The following DLGAP5 variants were observed in gnomAD, a reference collection of about 807,000 sequenced individuals.
The protein encoded by DLGAP5 is disks large-associated protein 5.
A neutral mutation model predicts 99.6 loss-of-function variants in DLGAP5; 90 were observed. The observed-to-expected ratio is 0.90, with a 90% confidence interval of 0.76 to 1.08. DLGAP5 has a LOEUF of 1.08. Ranked by LOEUF, DLGAP5 falls within the 50% of genes least tolerant of loss-of-function variation. The probability of loss-of-function intolerance (pLI) is 0.00; values close to 1 mark genes in which losing one functional copy is unlikely to be tolerated. For missense variants in DLGAP5, 1,036 were observed against 983.5 expected (o/e 1.05, Z -0.71); for synonymous variants, 311 against 321.3 (o/e 0.97, Z 0.34).
intron 14 of DLGAP5, among the ~76,000 whole-genome samples, chr14:55,157,320 A>G (rs766044663): frequency 5.6e-4 from 85 of 152,328 alleles, no homozygotes; most frequent in Admixed American, 3.7e-3. Context: ...CAAGTAGTAG[A>G]ATGGAGTCAT....
chr14:55,173,564 GTC>G (rs1291441164), intron 10 of DLGAP5, among the ~76,000 whole-genome samples: 8 of 151,012 alleles, frequency 5.3e-5, no homozygotes, highest in East Asian at 1.9e-4. Context: ...GTATGATATT[GTC>G]TCTCTCTATA....
chr14:55,166,435 A>G (rs1882644821), intron 12 of DLGAP5, among the ~76,000 whole-genome samples: 1 of 152,202 alleles, frequency 6.6e-6, no homozygotes, highest in African/African-American at 2.4e-5. Flanking sequence ...TTTTATACTG[A>G]TGAAAATGTT....
chr14:55,153,180 G>A lies in DLGAP5; in HGVS notation c.2064-533C>T, dbSNP rs147002431. 3.6e-4 allele frequency among the ~76,000 whole-genome samples: 55 copies of A among 152,250 alleles called. No individual in the cohort carries two copies. In the East Asian group the frequency reaches 0.01, roughly 28 times the overall value. On this transcript the variant is annotated intron_variant, in intron 15 of 18. Coordinates refer to ENST00000247191, the MANE Select transcript of DLGAP5 (RefSeq NM_014750.5). ...TAACAAGTAAATGTAGCTAACTCCA[G>A]CTAGACAATAATTGAGTTAGAATAC... is the stretch of plus-strand genomic sequence containing the variant.
chr14:55,156,090 CA>C (rs1272744066), intron 14 of DLGAP5, among the ~76,000 whole-genome samples: 186 of 134,308 alleles, frequency 1.4e-3, no homozygotes, highest in Middle Eastern at 3.8e-3. Flanking sequence ...GACTCTGCCT[CA>C]AAAAAAAAAA....
chr14:55,184,756 T>C (rs1374215080), intron 2 of DLGAP5, among the ~76,000 whole-genome samples: 1 of 152,200 alleles, frequency 6.6e-6, no homozygotes, highest in Non-Finnish European at 1.5e-5. Context: ...CAGCATCAAC[T>C]TGCTGTTCAT....
At position 55,180,671 on chromosome 14, in the gene DLGAP5, T is replaced by A; in HGVS notation, c.688A>T (p.Thr230Ser). The part of the protein sequence containing the change: ...VSSTTARKPV[T>S]RAANENEPEG... ...TAGTTCTCACCATTAGCAGCTCTTG[T>A]GACTGGCTTTCTTGCTGTGGTAGAT... is the stretch of plus-strand genomic sequence containing the variant. The change falls in exon 6 of 19, where the codon ACA becomes TCA. Residue 230 changes from threonine to serine, a missense_variant. By Grantham distance (58) the Thr-to-Ser change is moderately conservative (BLOSUM62 1). Transcript: ENST00000247191. The A allele has an allele frequency of 6.2e-7, 1 of 1,614,256 alleles. No individual in the cohort carries two copies. Among genetic ancestry groups the A allele is most frequent in the Non-Finnish European group, 8.5e-7 (1 of 1,180,042 alleles).
chr14:55,170,890 G>A (rs1030313677), intron 10 of DLGAP5, 103 bp from the exon 11 acceptor site: 2 of 776,040 alleles, frequency 2.6e-6, no homozygotes, highest in South Asian at 3.5e-5. Flanking sequence ...TTATAAAAGG[G>A]AGCCACAATA....
chr14:55,186,995 AC>A (rs1280049162), intron 2 of DLGAP5, among the ~76,000 whole-genome samples: 7 of 151,608 alleles, frequency 4.6e-5, no homozygotes, highest in Admixed American at 1.3e-4. Flanking sequence ...TGCAACCTCC[AC>A]CTCCTGGGTT....
At chr14:55,172,017 C>G (rs575155654) in intron 10 of DLGAP5, among the ~76,000 whole-genome samples, 108 of 152,084 alleles carry the variant, frequency 7.1e-4, no homozygotes, top group African/African-American at 2.5e-3. Flanking sequence ...CACCTACCAC[C>G]ACGCCCAGAT....
intron 10 of DLGAP5, among the ~76,000 whole-genome samples, chr14:55,174,663 G>A (rs1338195877): frequency 6.6e-6 from 1 of 151,964 alleles, no homozygotes; most frequent in Non-Finnish European, 1.5e-5. Context: ...GTGAATATCA[G>A]GGCAGATTCC....
chr14:55,148,146 T>G lies in DLGAP5; in HGVS notation c.*205A>C. On this transcript the variant is annotated 3_prime_UTR_variant, in exon 19 of 19. Transcript: ENST00000247191. ...CAAGAGAGGCAAGGCACAGTACATT[T>G]TTTATTCTGTGTTGAAAATGTACAA... 1.8e-6 allele frequency: 1 copy of G among 561,476 alleles called. No homozygotes were observed. The highest frequency in any genetic ancestry group is 3.0e-6 in the Non-Finnish European group (1 of 331,402). 34.8% of individuals were successfully genotyped at this position (561,476 alleles called of 1,614,324 possible). A position where few individuals can be genotyped will look rare whatever the true frequency, so the allele number is the denominator to read the frequency against.
chr14:55,180,478 T>C (rs1471442872), intron 6 of DLGAP5, among the ~76,000 whole-genome samples, 178 bp downstream of exon 6: 1 of 152,248 alleles, frequency 6.6e-6, no homozygotes, highest in East Asian at 1.9e-4. Context: ...TCTTCAATGA[T>C]TGGGCACCCA....
At chr14:55,174,915 T>C (rs2140322226) in intron 10 of DLGAP5, among the ~76,000 whole-genome samples, 1 of 152,302 alleles carries the variant, frequency 6.6e-6, no homozygotes, top group African/African-American at 2.4e-5. Flanking sequence ...GGTCTCGATT[T>C]CTTGACCTTG....
intron 14 of DLGAP5, among the ~76,000 whole-genome samples, chr14:55,157,837 G>A (rs1285397537): frequency 6.6e-6 from 1 of 152,136 alleles, no homozygotes; most frequent in Admixed American, 6.6e-5. Context: ...ATCATAGCTC[G>A]CTGTAACCTT....
intron 18 of DLGAP5, among the ~76,000 whole-genome samples, chr14:55,150,085 GA>G (rs1881964719): frequency 6.6e-6 from 1 of 151,390 alleles, no homozygotes; most frequent in South Asian, 2.1e-4. Context: ...GGATGGGGCT[GA>G]AACCAATGCT....
At chr14:55,149,650 T>G (rs1479810093) in intron 18 of DLGAP5, among the ~76,000 whole-genome samples, 2 of 152,162 alleles carry the variant, frequency 1.3e-5, no homozygotes, top group Non-Finnish European at 2.9e-5. Flanking sequence ...TTCTAGTAAT[T>G]AGTCCTGGAA....
chr14:55,181,395 A>G (rs951548385), intron 4 of DLGAP5, 98 bp from the exon 5 acceptor site: 32 of 923,868 alleles, frequency 3.5e-5, no homozygotes, highest in Non-Finnish European at 4.8e-5. Flanking sequence ...AAATCTGATC[A>G]TCGTAAATGA....
chr14:55,173,815 TA>T (rs1266623955), intron 10 of DLGAP5, among the ~76,000 whole-genome samples: 4 of 151,930 alleles, frequency 2.6e-5, no homozygotes, highest in African/African-American at 9.7e-5. Flanking sequence ...CCCCAGTCAA[TA>T]CCCTTGTGAT....
chr14:55,161,995 T>C (rs544747239), intron 13 of DLGAP5, among the ~76,000 whole-genome samples: 1 of 151,580 alleles, frequency 6.6e-6, no homozygotes, highest in Admixed American at 6.6e-5. Context: ...TTACATAGTA[T>C]AATAAAATAC....
Sources: allele counts gnomAD v4.1 joint callset (sites outside exome capture counted in the v4.1 genomes callset), GRCh38; gene constraint gnomAD v4.1.1; transcripts MANE v1.5; gene names NCBI Gene and HGNC (gene_info 2026-07-23, HGNC 2026-07-21).